The following EXOC4 variants were observed in gnomAD, a reference collection of about 807,000 sequenced individuals.
EXOC4 encodes SEC8-like 1.
EXOC4 carries 71 observed loss-of-function variants against 107.2 expected under a neutral mutation model. The observed-to-expected ratio is 0.66, with a 90% CI of 0.55 to 0.81. The LOEUF (loss-of-function observed/expected upper bound fraction) is 0.81. Among genes scored for constraint, EXOC4 ranks in the 30% least tolerant of loss-of-function variants. The pLI, the probability that EXOC4 is intolerant of heterozygous loss-of-function variation, is 0.00. For missense variants in EXOC4, 1,108 were observed against 1,189.6 expected, an observed-to-expected ratio of 0.93 and a Z score of 1.01; for synonymous variants, 456 against 441.2, an observed-to-expected ratio of 1.03 and a Z score of -0.42.
chr7:134,069,105 C>T (rs1021663868), downstream of EXOC4, among the ~76,000 whole-genome samples: 2 of 152,174 alleles, frequency 1.3e-5, no homozygotes, highest in Admixed American at 6.5e-5. Context: ...CAGCCTGACT[C>T]TGTGCACTCT....
At chr7:133,377,824 TC>T (rs1796522646) in intron 7 of EXOC4, among the ~76,000 whole-genome samples, 1 of 152,160 alleles carries the variant, frequency 6.6e-6, no homozygotes, top group South Asian at 2.1e-4. Context: ...CAGTGACATC[TC>T]ATCAGAAACA....
intron 13 of EXOC4, among the ~76,000 whole-genome samples, chr7:133,925,572 C>T (rs945330594): frequency 1.3e-5 from 2 of 151,992 alleles, no homozygotes; most frequent in African/African-American, 4.8e-5. Context: ...AAAAACAGCC[C>T]CCACCCCAAA....
In EXOC4 at chr7:133,597,564, AAAAAAAAAAAACCC is replaced by A. The variant is rs1226986252; in HGVS notation, c.1418-32470_1418-32457del. On this transcript the variant is annotated intron_variant, in intron 9 of 17. Coordinates refer to ENST00000253861, the MANE Select transcript of EXOC4 (RefSeq NM_021807.4). The stretch of plus-strand genomic sequence containing the variant: ...AGCGAAACTCTGTTTCAAAAAAAAA[AAAAAAAAAAAACCC>A]AAAAAAAAAACCCCGAATCCTTGGA... 6.0e-3 allele frequency among the ~76,000 whole-genome samples: 885 copies of A among 148,598 alleles called. 10 individuals carry two copies. The highest frequency in any genetic ancestry group is 0.02 in the African/African-American group (804 of 39,724).
intron 14 of EXOC4, among the ~76,000 whole-genome samples, chr7:133,960,428 G>T (rs1800915793): frequency 6.6e-6 from 1 of 152,172 alleles, no homozygotes; most frequent in African/African-American, 2.4e-5. Context: ...AATAGGATTA[G>T]TACCAATTCT....
In EXOC4 at chr7:133,503,267, TG is replaced by T. The variant is rs1799608069; in HGVS notation, c.1417+23133del. ...AAGGGTGGGGCTTTTTGTTACAATCTGGGGAGTTATTTTAAAAAACATCTTC... is the reference window on the plus strand; with the variant it reads ...AAGGGTGGGGCTTTTTGTTACAATCTGGGAGTTATTTTAAAAAACATCTTC... On this transcript the variant is annotated intron_variant, in intron 9 of 17. Transcript: ENST00000253861. Among the ~76,000 whole-genome samples the T allele has an allele frequency of 2.0e-5, 3 of 152,094 alleles. No individual in the cohort carries two copies. In the South Asian group the frequency reaches 6.2e-4, roughly 32 times the overall value.
At position 134,012,724 on chromosome 7, in the gene EXOC4, A is replaced by G. The variant is rs544210440; in HGVS notation, c.2687+4889A>G. 1.1e-3 allele frequency among the ~76,000 whole-genome samples: 167 copies of G among 152,274 alleles called. 1 individual carries two copies. Among genetic ancestry groups the G allele is most frequent in the Non-Finnish European group, 1.9e-3 (128 of 68,024 alleles). ...AAAGGCTGAGAGGTGAGATCTCAAT[A>G]GGAGCACAAGTAGATGAAAAAGAGA... On this transcript the variant is annotated intron_variant, in intron 17 of 17. Coordinates refer to ENST00000253861, the MANE Select transcript of EXOC4 (RefSeq NM_021807.4).
intron 5 of EXOC4, among the ~76,000 whole-genome samples, chr7:133,347,244 C>CTTTT (rs57983951): frequency 6.5e-5 from 9 of 139,490 alleles, no homozygotes; most frequent in South Asian, 2.2e-4. Flanking sequence ...GTAAACTATA[C>CTTTT]TTTTTTTTTT....
chr7:133,469,642 G>A (rs1322999716), intron 7 of EXOC4, among the ~76,000 whole-genome samples: 2 of 152,126 alleles, frequency 1.3e-5, no homozygotes, highest in Non-Finnish European at 2.9e-5. Context: ...GCTATTATAA[G>A]GAAGATATAT....
intron 12 of EXOC4, among the ~76,000 whole-genome samples, chr7:133,910,506 C>A (rs1281669994): frequency 1.3e-5 from 2 of 152,172 alleles, no homozygotes; most frequent in African/African-American, 4.8e-5. Context: ...AGCTCTCTGA[C>A]CAGCATTGAG....
At chr7:133,820,823 G>A (rs967513264) in intron 11 of EXOC4, among the ~76,000 whole-genome samples, 5 of 152,190 alleles carry the variant, frequency 3.3e-5, no homozygotes, top group Admixed American at 3.3e-4. Flanking sequence ...CAGACACGGT[G>A]CCTAGGAGCC....
intron 14 of EXOC4, among the ~76,000 whole-genome samples, chr7:133,955,388 C>T (rs1430945121): frequency 2.6e-5 from 4 of 152,148 alleles, no homozygotes; most frequent in African/African-American, 9.7e-5. Flanking sequence ...AAGTGTTCAG[C>T]TCTCAGCAGA....
intron 5 of EXOC4, among the ~76,000 whole-genome samples, chr7:133,320,548 G>A (rs911028551): frequency 2.6e-5 from 4 of 152,044 alleles, no homozygotes; most frequent in Admixed American, 2.6e-4. Flanking sequence ...CCATCTCAAG[G>A]TCCTTAACTT....
At chr7:133,633,769 A>C (rs568559885) in intron 10 of EXOC4, among the ~76,000 whole-genome samples, 3 of 152,296 alleles carry the variant, frequency 2.0e-5, no homozygotes, top group African/African-American at 7.2e-5. Context: ...CTTTTATCAA[A>C]AGTCAGGACC....
intron 6 of EXOC4, among the ~76,000 whole-genome samples, chr7:133,360,979 G>T (rs377434332): frequency 6.6e-6 from 1 of 152,256 alleles, no homozygotes; most frequent in East Asian, 1.9e-4. Flanking sequence ...CTCTAGAATG[G>T]AAGAGAAGAG....
intron 9 of EXOC4, among the ~76,000 whole-genome samples, chr7:133,588,838 T>C (rs1801468695): frequency 6.6e-6 from 1 of 152,088 alleles, no homozygotes; most frequent in African/African-American, 2.4e-5. Flanking sequence ...GATCCCACCA[T>C]TGCATGCCAG....
At chr7:133,436,113 G>A (rs1165910923) in intron 7 of EXOC4, among the ~76,000 whole-genome samples, 1 of 151,148 alleles carries the variant, frequency 6.6e-6, no homozygotes. Flanking sequence ...CAAGAAATTG[G>A]TGATCTTGCA....
intron 9 of EXOC4, among the ~76,000 whole-genome samples, chr7:133,566,799 T>G (rs1212715664): frequency 3.3e-5 from 5 of 152,190 alleles, no homozygotes; most frequent in Admixed American, 6.5e-5. Context: ...TGGTAAATGC[T>G]TTCAATAAAC....
intron 7 of EXOC4, among the ~76,000 whole-genome samples, chr7:133,429,207 CTT>C (rs1302615236): frequency 2.0e-5 from 3 of 152,066 alleles, no homozygotes; most frequent in African/African-American, 4.8e-5. Flanking sequence ...GGAAACATGA[CTT>C]TTAATTTTTT....
chr7:133,889,427 T>A (rs976668954), intron 11 of EXOC4, among the ~76,000 whole-genome samples: 13 of 150,888 alleles, frequency 8.6e-5, no homozygotes, highest in African/African-American at 3.2e-4. Flanking sequence ...TTATTATTAT[T>A]TTTTTTAATT....
Sources: gnomAD v4.1 joint callset for allele counts (sites outside exome capture counted in the v4.1 genomes callset) on GRCh38, gnomAD v4.1.1 for gene constraint, MANE v1.5 for transcripts, NCBI Gene and HGNC (gene_info 2026-07-23, HGNC 2026-07-21) for gene names.